The following CMIP variants were observed in gnomAD, a reference collection of about 807,000 sequenced individuals.
CMIP encodes c-Maf inducing protein.
Under a neutral mutation model 97.3 loss-of-function variants are expected in CMIP, and 13 were observed. The observed-to-expected ratio is 0.13, with a 90% CI of 0.09 to 0.21. The LOEUF is 0.21. Ranked by LOEUF, CMIP falls within the 10% of genes least tolerant of loss-of-function variation. The probability of loss-of-function intolerance (pLI) is 1.00; values close to 1 mark genes in which losing one functional copy is unlikely to be tolerated. For synonymous variants in CMIP, 538 were observed against 436.3 expected, an observed-to-expected ratio of 1.23 and a Z score of -2.91; for missense variants, 847 against 1,024.9, an observed-to-expected ratio of 0.83 and a Z score of 2.37.
Position 81,513,634 on chromosome 16 carries a change from G to A in CMIP, c.300+68093G>A, listed in dbSNP as rs534356591. 1.2e-4 allele frequency among the ~76,000 whole-genome samples: 18 copies of A among 152,338 alleles called. No individual in the cohort carries two copies. The South Asian group carries it at 3.7e-3, about 32-fold the overall frequency. On this transcript the variant is annotated intron_variant, in intron 1 of 20. Coordinates refer to ENST00000537098, the MANE Select transcript of CMIP (RefSeq NM_198390.3). The stretch of plus-strand genomic sequence containing the variant: ...GGAACCCCCCGGTCCGTTCTGGCCT[G>A]GCTGCTGTGCAGACCCGTGGGTCTA...
intron 3 of CMIP, among the ~76,000 whole-genome samples, chr16:81,626,928 G>A (rs2092079756): frequency 6.7e-6 from 1 of 150,102 alleles, no homozygotes; most frequent in African/African-American, 2.5e-5. Context: ...GTGTGTTTGT[G>A]TATGTGTGGT....
At chr16:81,673,878 C>T (rs945466640) in intron 9 of CMIP, among the ~76,000 whole-genome samples, 4 of 152,192 alleles carry the variant, frequency 2.6e-5, no homozygotes, top group African/African-American at 9.7e-5. Flanking sequence ...CAACATGAGT[C>T]CAGACCCCAC....
intron 1 of CMIP, among the ~76,000 whole-genome samples, chr16:81,524,309 G>A (rs1409273854): frequency 6.6e-6 from 1 of 152,214 alleles, no homozygotes; most frequent in Non-Finnish European, 1.5e-5. Flanking sequence ...AACAGAGATG[G>A]TGTCTGTCCC....
intron 1 of CMIP, among the ~76,000 whole-genome samples, chr16:81,582,686 A>C (rs2091315589): frequency 6.6e-6 from 1 of 152,160 alleles, no homozygotes; most frequent in South Asian, 2.1e-4. Context: ...TTGCATTCCC[A>C]GCAGGGCCTC....
chr16:81,540,670 G>A (rs1321722360), intron 1 of CMIP, among the ~76,000 whole-genome samples: 1 of 150,288 alleles, frequency 6.7e-6, no homozygotes, highest in Non-Finnish European at 1.5e-5. Flanking sequence ...GTGTGTGTGT[G>A]TGTGTGTGTG....
chr16:81,667,795 A>AGG (rs1201342935), intron 7 of CMIP, among the ~76,000 whole-genome samples: 1 of 68,038 alleles, frequency 1.5e-5, no homozygotes, highest in African/African-American at 5.9e-5. Context: ...AGAGAGAGAG[A>AGG]GAGAGTGTGT....
chr16:81,617,891 T>C (rs910751162), intron 2 of CMIP, among the ~76,000 whole-genome samples: 1 of 152,182 alleles, frequency 6.6e-6, no homozygotes, highest in African/African-American at 2.4e-5. Flanking sequence ...GGGTCACACA[T>C]ATATACAGGG....
At chr16:81,516,295 A>G (rs1460188412) in intron 1 of CMIP, among the ~76,000 whole-genome samples, 2 of 152,126 alleles carry the variant, frequency 1.3e-5, no homozygotes, top group East Asian at 1.9e-4. Flanking sequence ...GGGATTTTCT[A>G]AAATACACAT....
At chr16:81,603,290 C>G (rs1733673707) in intron 1 of CMIP, 2 of 420,054 alleles carry the variant, frequency 4.8e-6, no homozygotes, top group Admixed American at 5.3e-5. Flanking sequence ...ACCATGTTAG[C>G]CAGGATGGTC....
At chr16:81,608,968 G>A (rs768780698) in intron 2 of CMIP, among the ~76,000 whole-genome samples, 1 of 152,196 alleles carries the variant, frequency 6.6e-6, no homozygotes, top group African/African-American at 2.4e-5. Context: ...GCATTGGGCT[G>A]AGAGTCACCC....
At chr16:81,467,433 GCCT>G (rs1191888482) in intron 1 of CMIP, among the ~76,000 whole-genome samples, 7 of 152,140 alleles carry the variant, frequency 4.6e-5, no homozygotes, top group African/African-American at 1.7e-4. Flanking sequence ...CCCCGTAAAG[GCCT>G]CCTGTGAGAA....
intron 1 of CMIP, among the ~76,000 whole-genome samples, chr16:81,490,535 G>T (rs979435318): frequency 6.6e-6 from 1 of 152,202 alleles, no homozygotes; most frequent in Admixed American, 6.5e-5. Flanking sequence ...CAGGAGAATT[G>T]CTTGAACCCG....
rs142813633 is a variant in CMIP at position 81,664,934 on chromosome 16, C to T, written c.825+585C>T. 8.3e-3 allele frequency: 1,290 copies of T among 155,952 alleles called. 17 individuals carry two copies. The highest frequency in any genetic ancestry group is 0.028 in the African/African-American group (1,167 of 41,716). 9.7% of individuals were successfully genotyped at this position (155,952 alleles called of 1,614,324 possible). A position where few individuals can be genotyped will look rare whatever the true frequency, so the allele number is the denominator to read the frequency against. On this transcript the variant is annotated intron_variant, in intron 7 of 20. Transcript: ENST00000537098. The stretch of plus-strand genomic sequence containing the variant: ...TCATGAGAAAAACATCAGACAAATC[C>T]CAACAAGGGGACAGTCTACAAAGTA...
intron 15 of CMIP, among the ~76,000 whole-genome samples, chr16:81,701,013 C>A (rs1467737686): frequency 6.6e-6 from 1 of 151,774 alleles, no homozygotes; most frequent in African/African-American, 2.4e-5. Flanking sequence ...AACTGAGCAC[C>A]ATGGCATGCA....
chr16:81,502,214 A>T (rs981087154), intron 1 of CMIP, among the ~76,000 whole-genome samples: 8 of 152,244 alleles, frequency 5.3e-5, no homozygotes, highest in African/African-American at 1.7e-4. Flanking sequence ...CTGGGCTGAC[A>T]GTTGCAGCAT....
intron 4 of CMIP, among the ~76,000 whole-genome samples, chr16:81,653,455 G>C (rs1015076346): frequency 2.6e-5 from 4 of 152,274 alleles, no homozygotes; most frequent in Non-Finnish European, 4.4e-5. Context: ...CTCAGGCAGA[G>C]GGACAGAGGT....
At chr16:81,669,752 T>G (rs1452182147) in intron 7 of CMIP, among the ~76,000 whole-genome samples, 1 of 142,218 alleles carries the variant, frequency 7.0e-6, no homozygotes, top group Admixed American at 6.9e-5. Flanking sequence ...CCCACCTCTC[T>G]TCTCCTTCCA....
In CMIP at chr16:81,701,848, G is replaced by T. The variant is rs374821819; in HGVS notation, c.1896+48G>T. 12 of 1,609,368 alleles carry T rather than the reference G, an allele frequency of 7.5e-6. No homozygotes were observed. In the East Asian group the frequency reaches 2.2e-4, roughly 30 times the overall value. On this transcript the variant is annotated intron_variant, in intron 16 of 20. Coordinates refer to ENST00000537098, the MANE Select transcript of CMIP (RefSeq NM_198390.3). The stretch of plus-strand genomic sequence containing the variant: ...CCACTCCCCTGCCCAGCAGGCCAGG[G>T]GGGGCCAGGGCGGGATGCGGGGCAG...
At chr16:81,699,873 G>C in intron 15 of CMIP, 72 bp downstream of exon 15, 3 of 1,081,534 alleles carry the variant, frequency 2.8e-6, no homozygotes, top group Non-Finnish European at 4.1e-6. Context: ...TAGAGCATCT[G>C]CTGGGAGCCA....
Sources: allele counts gnomAD v4.1 joint callset (sites outside exome capture counted in the v4.1 genomes callset), GRCh38; gene constraint gnomAD v4.1.1; transcripts MANE v1.5; gene names NCBI Gene and HGNC (gene_info 2026-07-23, HGNC 2026-07-21).